Variants in ZNF185 observed in about 807,000 individuals in gnomAD.
The protein encoded by ZNF185 is zinc finger protein 185.
ZNF185 carries 56 observed loss-of-function variants against 58.6 expected under a neutral mutation model. The ratio of observed to expected loss-of-function variants is 0.95; its 90% CI spans 0.77 to 1.19. ZNF185 has a LOEUF of 1.19. Among genes scored for constraint, ZNF185 ranks in the 50% most tolerant of loss-of-function variants. ZNF185 has a pLI of 0.00. For synonymous variants in ZNF185, 230 were observed against 215.9 expected, an observed-to-expected ratio of 1.07 and a Z score of -0.57; for missense variants, 627 against 573.5, an observed-to-expected ratio of 1.09 and a Z score of -0.95.
intron 11 of ZNF185, among the ~76,000 whole-genome samples, chrX:152,928,118 A>G (rs1218497356): frequency 2.9e-5 from 3 of 103,198 alleles, no homozygotes; most frequent in African/African-American, 1.0e-4. Context: ...CTCATCCCCG[A>G]GTCTGCGACA....
the ZNF185 span, among the ~76,000 whole-genome samples, chrX:152,902,132 C>T: frequency 8.9e-6 from 1 of 112,382 alleles, no homozygotes; most frequent in Non-Finnish European, 1.9e-5. Context: ...TCCCGCAGAG[C>T]TGCCCTTGGG....
chrX:152,941,739 G>A (rs1556889878), intron 15 of ZNF185: 1 of 1,164,961 alleles, frequency 8.6e-7, no homozygotes, highest in South Asian at 1.9e-5. Context: ...CGGCCTCGGC[G>A]GGGATTCTCT....
chrX:152,955,797 G>A, intron 16 of ZNF185, among the ~76,000 whole-genome samples: 1 of 110,995 alleles, frequency 9.0e-6, no homozygotes, highest in Non-Finnish European at 1.9e-5. Flanking sequence ...AGCTACTCGG[G>A]AGGCTGAGGC....
intron 16 of ZNF185, among the ~76,000 whole-genome samples, chrX:152,951,085 ATTTTTT>A (rs57205058): frequency 4.3e-5 from 4 of 92,405 alleles, no homozygotes; most frequent in African/African-American, 1.6e-4. Flanking sequence ...ATGATCAAGA[ATTTTTT>A]TTTTTTTTTT....
At chrX:152,931,889 A>G in intron 13 of ZNF185, 113 bp downstream of exon 14, 1 of 616,405 alleles carries the variant, frequency 1.6e-6, no homozygotes, top group Non-Finnish European at 2.4e-6. Context: ...AGCTGGGGCC[A>G]GGAAGGTCCT....
chrX:152,927,729 C>G (rs1214982583), intron 11 of ZNF185, among the ~76,000 whole-genome samples: 3 of 112,654 alleles, frequency 2.7e-5, no homozygotes, highest in Non-Finnish European at 3.8e-5. Context: ...AGGTCAGTTT[C>G]CATGCCTCTC....
intron 14 of ZNF185, 113 bp downstream of exon 15, chrX:152,933,084 C>T: frequency 2.2e-6 from 1 of 448,558 alleles, no homozygotes; most frequent in Non-Finnish European, 3.8e-6. Flanking sequence ...CCTATGGCTC[C>T]TGTCTACTGC....
At chrX:152,938,920 A>G (rs1177290295) in intron 15 of ZNF185, among the ~76,000 whole-genome samples, 1 of 97,017 alleles carries the variant, frequency 1.0e-5, no homozygotes, top group Non-Finnish European at 2.2e-5. Flanking sequence ...GAGGAGAAGG[A>G]GCCAACTCTA....
At chrX:152,950,683 A>G (rs782473512) in intron 16 of ZNF185, among the ~76,000 whole-genome samples, 1 of 111,745 alleles carries the variant, frequency 8.9e-6, no homozygotes, top group East Asian at 2.8e-4. Context: ...ATCCTTTGAG[A>G]TTTTCCAGAA....
chrX:152,908,720 G>A, the ZNF185 span, among the ~76,000 whole-genome samples: 3 of 113,441 alleles, frequency 2.6e-5, no homozygotes, highest in Admixed American at 1.8e-4. Flanking sequence ...AGCACTCGAG[G>A]CCGTCGTGCA....
the ZNF185 span, among the ~76,000 whole-genome samples, chrX:152,899,467 A>G: frequency 3.6e-4 from 41 of 112,913 alleles, no homozygotes; most frequent in Non-Finnish European, 6.6e-4. Flanking sequence ...CTCCCAGGCC[A>G]CTTCAGGATG....
chrX:152,938,457 A>G (rs1414954639), intron 15 of ZNF185, among the ~76,000 whole-genome samples: 1 of 112,361 alleles, frequency 8.9e-6, no homozygotes, highest in Non-Finnish European at 1.9e-5. Flanking sequence ...CAGACAAATC[A>G]GAAACACCTC....
intron 19 of ZNF185, among the ~76,000 whole-genome samples, chrX:152,965,762 A>G (rs1261571999): frequency 9.1e-6 from 1 of 109,573 alleles, no homozygotes; most frequent in Non-Finnish European, 1.9e-5. Context: ...TTTCACTGCC[A>G]TTCTGTTCTG....
chrX:152,937,962 C>T (rs2046541936), intron 14 of ZNF185, 112 bp from the exon 17 acceptor site: 1 of 687,269 alleles, frequency 1.5e-6, no homozygotes, highest in African/African-American at 2.2e-5. Flanking sequence ...CCAGCCTTTA[C>T]TGGAAGACAC....
chrX:152,903,033 G>C, the ZNF185 span, among the ~76,000 whole-genome samples: 1 of 111,577 alleles, frequency 9.0e-6, no homozygotes, highest in East Asian at 2.8e-4. Flanking sequence ...GGCAAAGACT[G>C]AATGGATGGC....
At chrX:152,966,973 G>A (rs935977669) in intron 19 of ZNF185, among the ~76,000 whole-genome samples, 194 bp from the exon 22 acceptor site, 1 of 111,132 alleles carries the variant, frequency 9.0e-6, no homozygotes, top group Non-Finnish European at 1.9e-5. Context: ...TAGCCACCCA[G>A]CCCCGATCAT....
chrX:152,917,170 G>A lies in ZNF185; in HGVS notation c.263+1G>A. ...GGGCTCCCACTGGCTACATCATCCG[G>A]TAAGTGACCGCAGGACTCTGCCGGC... On this transcript the variant is annotated splice_donor_variant, in intron 4 of 22. Coordinates refer to ENST00000449285, the Ensembl canonical transcript of ZNF185. LOFTEE classifies it high-confidence loss of function. 3 of 1,211,376 alleles carry A rather than the reference G, an allele frequency of 2.5e-6. No individual in the cohort carries two copies. The highest frequency in any genetic ancestry group is 2.2e-6 in the Non-Finnish European group (2 of 895,442).
rs183695566 is a variant in ZNF185, at chrX:152,939,821, C to G, written c.1211+1658C>G. On this transcript the variant is annotated intron_variant, in intron 15 of 22. Coordinates refer to ENST00000449285, the Ensembl canonical transcript of ZNF185. ...TTTTTGAGACAGAGTTTTGCTTTGT[C>G]GCCCCAGCTGGGGTGCAGTGGCGCA... 6.3e-5 allele frequency among the ~76,000 whole-genome samples: 4 copies of G among 63,992 alleles called. No individual in the cohort carries two copies. In the Middle Eastern group the frequency reaches 0.055, roughly 873 times the overall value. 55.6% of individuals were successfully genotyped at this position (63,992 alleles called of 115,157 possible). A position where few individuals can be genotyped will look rare whatever the true frequency, so the allele number is the denominator to read the frequency against.
chrX:152,898,092 G>A, the ZNF185 span, among the ~76,000 whole-genome samples: 1 of 109,898 alleles, frequency 9.1e-6, no homozygotes, highest in African/African-American at 3.2e-5. Context: ...GCCTCCCTGC[G>A]CGCTCCCCGC....
Sources: gnomAD v4.1 joint callset for allele counts (sites outside exome capture counted in the v4.1 genomes callset) on GRCh38, gnomAD v4.1.1 for gene constraint, MANE v1.5 for transcripts, NCBI Gene and HGNC (gene_info 2026-07-23, HGNC 2026-07-21) for gene names.